PPARA: variants seen among roughly 807,000 people sequenced by gnomAD.
PPARA encodes the protein peroxisome proliferator-activated receptor alpha.
PPARA carries 22 observed loss-of-function variants against 42.2 expected under a neutral mutation model. The ratio of observed to expected loss-of-function variants is 0.52; its 90% CI spans 0.37 to 0.74. PPARA has a LOEUF of 0.74. PPARA is among the 30% of genes least tolerant of loss of function. PPARA has a pLI of 0.00. For synonymous variants in PPARA, 242 were observed against 239.3 expected, an observed-to-expected ratio of 1.01 and a Z score of -0.10; for missense variants, 465 against 608.2, an observed-to-expected ratio of 0.76 and a Z score of 2.48.
In PPARA at chr22:46,214,746, G is replaced by A. The variant is rs115846725; in HGVS notation, c.209-427G>A. On this transcript the variant is annotated intron_variant, in intron 4 of 8. Transcript: ENST00000407236. ...TGCAAATCTGAAGATGTGTGGATGGGAGATGTGCAGGTCCGGAGATGCGCG... is the reference window on the plus strand; with the variant it reads ...TGCAAATCTGAAGATGTGTGGATGGAAGATGTGCAGGTCCGGAGATGCGCG... 5.1e-3 allele frequency among the ~76,000 whole-genome samples: 776 copies of A among 151,378 alleles called. 7 individuals are homozygous for A. Among genetic ancestry groups the A allele is most frequent in the African/African-American group, 0.017 (714 of 41,250 alleles).
intron 7 of PPARA, among the ~76,000 whole-genome samples, chr22:46,223,651 A>G (rs1449172955): frequency 6.9e-6 from 1 of 145,538 alleles, no homozygotes; most frequent in Non-Finnish European, 1.5e-5. Context: ...TCAAAAAAAA[A>G]AAAAAAAGAG....
Position 46,219,421 on chromosome 22 carries a change from A to C in PPARA, c.509-391A>C, listed in dbSNP as rs1934814734. Among the ~76,000 whole-genome samples the C allele has an allele frequency of 6.6e-6, 1 of 152,252 alleles. No individual in the cohort carries two copies. The highest frequency in any genetic ancestry group is 2.4e-5 in the African/African-American group (1 of 41,466). ...ATTGTGATGTGAATGTAAGTCGTTC[A>C]TAAGAGTTGCATGTCTACCTTCTGG... is the stretch of plus-strand genomic sequence containing the variant. On this transcript the variant is annotated intron_variant, in intron 6 of 8. Coordinates refer to ENST00000407236, the MANE Select transcript of PPARA (RefSeq NM_005036.6). This position sits in a 1 kb window ranked among gnomAD's most constrained non-coding sequence, Gnocchi z 4.8.
rs1201890384 is a variant in PPARA, at chr22:46,193,583, A to G, written c.-42-4759A>G. Among the ~76,000 whole-genome samples, 1 of 152,154 alleles carries G rather than the reference A, an allele frequency of 6.6e-6. No individual in the cohort carries two copies. Among genetic ancestry groups the G allele is most frequent in the Non-Finnish European group, 1.5e-5 (1 of 68,024 alleles). Reference sequence around the variant, plus strand: ...TATATACACTGAGTATATACCACAAATATTTTAAATAATTTTTAAAATAAA... The same window carrying G: ...TATATACACTGAGTATATACCACAAGTATTTTAAATAATTTTTAAAATAAA... On this transcript the variant is annotated intron_variant, in intron 3 of 8. Transcript: ENST00000407236. The surrounding 1 kb of genome is among the most constrained non-coding windows in gnomAD (Gnocchi z 5.3).
intron 3 of PPARA, among the ~76,000 whole-genome samples, chr22:46,189,659 T>C (rs906842179): frequency 4.6e-5 from 7 of 152,232 alleles, no homozygotes; most frequent in African/African-American, 1.7e-4. Context: ...TGTTAGCGTG[T>C]TAATCATTTG....
At position 46,225,998 on chromosome 22, in the gene PPARA, CACAT is replaced by C. The variant is rs936096079; in HGVS notation, c.712-5790_712-5787del. On this transcript the variant is annotated intron_variant, in intron 7 of 8. Transcript: ENST00000407236. This position sits in a 1 kb window ranked among gnomAD's most constrained non-coding sequence, Gnocchi z 4.1. ...ATACAGTCACACACATGCATACACA[CACAT>C]ACAAACACATGCATTCACACAGATG... is the stretch of plus-strand genomic sequence containing the variant. 7.2e-5 allele frequency among the ~76,000 whole-genome samples: 11 copies of C among 151,872 alleles called. No individual in the cohort carries two copies. The highest frequency in any genetic ancestry group is 3.9e-4 in the East Asian group (2 of 5,170).
chr22:46,204,238 C>T lies in PPARA; in HGVS notation c.208+5647C>T, dbSNP rs1210712017. On this transcript the variant is annotated intron_variant, in intron 4 of 8. Coordinates refer to ENST00000407236, the MANE Select transcript of PPARA (RefSeq NM_005036.6). This position sits in a 1 kb window ranked among gnomAD's most constrained non-coding sequence, Gnocchi z 5.2. Reference sequence around the variant, plus strand: ...GGACATAGCACAGTTTGCTGATTCACGCACCTGTTGATGAGCATTTAGGTT... The same window carrying T: ...GGACATAGCACAGTTTGCTGATTCATGCACCTGTTGATGAGCATTTAGGTT... Among the ~76,000 whole-genome samples the T allele has an allele frequency of 3.9e-5, 6 of 152,306 alleles. No individual in the cohort carries two copies. In the East Asian group the frequency reaches 5.8e-4, roughly 15 times the overall value.
chr22:46,225,535 G>T lies in PPARA; in HGVS notation c.711+5521G>T, dbSNP rs1167564169. Among the ~76,000 whole-genome samples, 2 of 151,942 alleles carry T rather than the reference G, an allele frequency of 1.3e-5. No individual in the cohort carries two copies. Among genetic ancestry groups the T allele is most frequent in the Non-Finnish European group, 2.9e-5 (2 of 67,964 alleles). On this transcript the variant is annotated intron_variant, in intron 7 of 8. Transcript: ENST00000407236. This position sits in a 1 kb window ranked among gnomAD's most constrained non-coding sequence, Gnocchi z 4.1. ...CACATACCCACACTCACACATCCGTGCACACACGGGTACACACACATACAC... is the reference window on the plus strand; with the variant it reads ...CACATACCCACACTCACACATCCGTTCACACACGGGTACACACACATACAC...
intron 3 of PPARA, among the ~76,000 whole-genome samples, chr22:46,186,812 C>T (rs1246958676): frequency 6.6e-6 from 1 of 152,130 alleles, no homozygotes; most frequent in African/African-American, 2.4e-5. Flanking sequence ...CAAGCCCCCA[C>T]AGTGGATACC....
Position 46,227,315 on chromosome 22 carries a change from A to C in PPARA, c.712-4477A>C, listed in dbSNP as rs1218495865. Among the ~76,000 whole-genome samples the C allele has an allele frequency of 6.6e-6, 1 of 152,016 alleles. No homozygotes were observed. Among genetic ancestry groups the C allele is most frequent in the Non-Finnish European group, 1.5e-5 (1 of 68,006 alleles). ...TGCCCAGGCTGGAGTGCAGTGGCGC[A>C]ATCTCAGCTCACTGCAACCTCCCCC... On this transcript the variant is annotated intron_variant, in intron 7 of 8. Transcript: ENST00000407236. This position sits in a 1 kb window ranked among gnomAD's most constrained non-coding sequence, Gnocchi z 4.3.
intron 4 of PPARA, among the ~76,000 whole-genome samples, chr22:46,213,892 A>G (rs1934188930): frequency 6.6e-6 from 1 of 152,048 alleles, no homozygotes; most frequent in African/African-American, 2.4e-5. Flanking sequence ...CCTAGCCCCC[A>G]TTTTTCAATT....
At chr22:46,172,016 T>C (rs1928130589) in intron 2 of PPARA, among the ~76,000 whole-genome samples, 1 of 152,066 alleles carries the variant, frequency 6.6e-6, no homozygotes. Context: ...GCGTTGGGTG[T>C]AGGAAGACCT....
chr22:46,218,006 T>G (rs577170445), intron 5 of PPARA, among the ~76,000 whole-genome samples: 2 of 151,894 alleles, frequency 1.3e-5, no homozygotes, highest in East Asian at 3.9e-4. Context: ...AATTTTTGTA[T>G]TTTTAGTAGA....
chr22:46,226,030 TAC>T (rs1021319217), intron 7 of PPARA, among the ~76,000 whole-genome samples: 27 of 151,224 alleles, frequency 1.8e-4, no homozygotes, highest in South Asian at 4.2e-4. Context: ...CACAGATGCA[TAC>T]ACACACACAC....
rs1460579989 is a variant in PPARA at position 46,195,591 on chromosome 22, TAGA to T, written c.-42-2745_-42-2743del. 1.3e-5 allele frequency among the ~76,000 whole-genome samples: 2 copies of T among 152,242 alleles called. No individual in the cohort carries two copies. Among genetic ancestry groups the T allele is most frequent in the South Asian group, 2.1e-4 (1 of 4,834 alleles). On this transcript the variant is annotated intron_variant, in intron 3 of 8. Coordinates refer to ENST00000407236, the MANE Select transcript of PPARA (RefSeq NM_005036.6). The surrounding 1 kb of genome is among the most constrained non-coding windows in gnomAD (Gnocchi z 4.6). Reference sequence around the variant, plus strand: ...ATGAAATGTATCTATTTTTCATTGGTAGAAGAAGCCAAAACATCCCTTCCTCAC... The same window carrying T: ...ATGAAATGTATCTATTTTTCATTGGTAGAAGCCAAAACATCCCTTCCTCAC...
At chr22:46,166,625 A>C (rs1335698221) in intron 2 of PPARA, among the ~76,000 whole-genome samples, 2 of 152,026 alleles carry the variant, frequency 1.3e-5, no homozygotes, top group Admixed American at 6.6e-5. Flanking sequence ...TCTCAAAAAA[A>C]AAAAAACAAA....
chr22:46,212,613 C>T lies in PPARA; in HGVS notation c.209-2560C>T, dbSNP rs1934047918. ...GCTTGATATCTCATTTCTTTTTACACTGAATGAGTTCCCACTGTCTGTTTG... is the reference window on the plus strand; with the variant it reads ...GCTTGATATCTCATTTCTTTTTACATTGAATGAGTTCCCACTGTCTGTTTG... On this transcript the variant is annotated intron_variant, in intron 4 of 8. Transcript: ENST00000407236. The surrounding 1 kb of genome is among the most constrained non-coding windows in gnomAD (Gnocchi z 4.2). Among the ~76,000 whole-genome samples the T allele has an allele frequency of 6.6e-6, 1 of 152,174 alleles. No individual in the cohort carries two copies. The highest frequency in any genetic ancestry group is 1.5e-5 in the Non-Finnish European group (1 of 68,038).
chr22:46,181,457 TGGAACGAAA>T (rs1929952962), intron 3 of PPARA, among the ~76,000 whole-genome samples: 2 of 152,078 alleles, frequency 1.3e-5, no homozygotes, highest in South Asian at 4.1e-4. Context: ...CTGGTCAGTC[TGGAACGAAA>T]GTGAGAGTGA....
chr22:46,226,170 TAC>T (rs1357648793), intron 7 of PPARA, among the ~76,000 whole-genome samples: 16 of 144,392 alleles, frequency 1.1e-4, no homozygotes, highest in Non-Finnish European at 1.5e-4. Context: ...TATATATATA[TAC>T]ACATGCTCAC....
chr22:46,235,068 G>T lies in PPARA; in HGVS notation c.1160-65G>T, dbSNP rs1936128015. ...CATAAAATAGGCATGTTTGGTTCCT[G>T]AAACTGATAAGCAGTTCTTGGGTGA... On this transcript the variant is annotated intron_variant, in intron 8 of 8. Coordinates refer to ENST00000407236, the MANE Select transcript of PPARA (RefSeq NM_005036.6). This position sits in a 1 kb window ranked among gnomAD's most constrained non-coding sequence, Gnocchi z 7.0. 11 of 1,608,140 alleles carry T rather than the reference G, an allele frequency of 6.8e-6. No individual in the cohort carries two copies. The highest frequency in any genetic ancestry group is 3.3e-4 in the Middle Eastern group (2 of 6,038).
Sources: gnomAD v4.1 joint callset for allele counts (sites outside exome capture counted in the v4.1 genomes callset) on GRCh38, gnomAD v4.1.1 for gene constraint, Gnocchi (gnomAD v3.1) non-coding constraint, MANE v1.5 for transcripts, NCBI Gene and HGNC (gene_info 2026-07-23, HGNC 2026-07-21) for gene names.